Variants in DCAF5 observed in about 807,000 individuals in gnomAD.
DCAF5 encodes DDB1- and CUL4-associated factor 5.
DCAF5 carries 9 observed loss-of-function variants against 80.7 expected under a neutral mutation model. That is an observed-to-expected ratio of 0.11 (90% CI 0.07 to 0.19). The LOEUF (loss-of-function observed/expected upper bound fraction) is 0.19, where lower values mean the gene tolerates loss of function less well. Among genes scored for constraint, DCAF5 ranks in the 10% least tolerant of loss-of-function variants. The pLI, the probability that DCAF5 is intolerant of heterozygous loss-of-function variation, is 1.00. For synonymous variants in DCAF5, 433 were observed against 461.9 expected (o/e 0.94, Z 0.80); for missense variants, 842 against 1,205.7 (o/e 0.70, Z 4.47).
At chr14:69,098,621 C>T (rs931839243) in intron 5 of DCAF5, among the ~76,000 whole-genome samples, 4 of 151,712 alleles carry the variant, frequency 2.6e-5, no homozygotes, top group Middle Eastern at 3.4e-3. Flanking sequence ...CGGCGGCTCA[C>T]GCCTGTAATC....
At chr14:69,137,655 T>C (rs1483729251) in intron 1 of DCAF5, among the ~76,000 whole-genome samples, 1 of 152,192 alleles carries the variant, frequency 6.6e-6, no homozygotes, top group Non-Finnish European at 1.5e-5. Context: ...ACCCTGAGAC[T>C]AAATCAGGGG....
Position 69,152,667 on chromosome 14 carries a change from G to A in DCAF5, c.214+98C>T. ...AGAAGGGGGTAGAGAAAGGGAGGGGGTGGGGACAGAGGGCAGGAGGAGGGT... is the reference window on the plus strand; with the variant it reads ...AGAAGGGGGTAGAGAAAGGGAGGGGATGGGGACAGAGGGCAGGAGGAGGGT... On this transcript the variant is annotated intron_variant, in intron 1 of 8. Transcript: ENST00000341516. The surrounding 1 kb of genome is among the most constrained non-coding windows in gnomAD (Gnocchi z 4.1). 3.5e-6 allele frequency: 3 copies of A among 859,170 alleles called. No homozygotes were observed. Among genetic ancestry groups the A allele is most frequent in the Middle Eastern group, 3.4e-4 (1 of 2,932 alleles). 53.2% of individuals were successfully genotyped at this position (859,170 alleles called of 1,614,324 possible). A position where few individuals can be genotyped will look rare whatever the true frequency, so the allele number is the denominator to read the frequency against.
intron 1 of DCAF5, among the ~76,000 whole-genome samples, chr14:69,145,792 G>A (rs780386027): frequency 6.6e-6 from 1 of 152,078 alleles, no homozygotes. Flanking sequence ...TTCCACCCTT[G>A]AGTATCTAAA....
In DCAF5 at chr14:69,152,808, A is replaced by G. The variant is rs759998729; in HGVS notation, c.171T>C (p.Asn57=). ...KDLLGHFGCV[N]AIEFSNNGGQ... ...CTCCATTGTTGGAGAATTCAATGGCATTGACACAGCCGAAGTGGCCGAGGA... is the reference window on the plus strand; with the variant it reads ...CTCCATTGTTGGAGAATTCAATGGCGTTGACACAGCCGAAGTGGCCGAGGA... Residue 57 remains asparagine (N), a synonymous_variant, in exon 1 of 9, where the codon AAT becomes AAC. Transcript: ENST00000341516. This position sits in a 1 kb window ranked among gnomAD's most constrained non-coding sequence, Gnocchi z 4.1. 1.4e-5 allele frequency: 23 copies of G among 1,614,084 alleles called. No individual in the cohort carries two copies. The highest frequency in any genetic ancestry group is 2.2e-5 in the South Asian group (2 of 91,084).
At chr14:69,132,885 T>A (rs2041083005) in intron 1 of DCAF5, among the ~76,000 whole-genome samples, 1 of 152,228 alleles carries the variant, frequency 6.6e-6, no homozygotes, top group Admixed American at 6.5e-5. Flanking sequence ...GTTACTTAAC[T>A]TCTCTAAATT....
chr14:69,121,455 C>A (rs559380097), intron 2 of DCAF5, among the ~76,000 whole-genome samples: 1 of 152,132 alleles, frequency 6.6e-6, no homozygotes, highest in African/African-American at 2.4e-5. Flanking sequence ...TGTGAAACTG[C>A]TACTTTTTAA....
chr14:69,091,070 T>C (rs2039515726), intron 6 of DCAF5: 1 of 751,908 alleles, frequency 1.3e-6, no homozygotes, highest in Non-Finnish European at 2.4e-6. Flanking sequence ...CTGCCAGCTT[T>C]AAGTCAACAT....
rs758130008 is a variant in DCAF5, at chr14:69,054,783, G to A, written c.1903C>T (p.Arg635Trp). 29 of 1,614,098 alleles carry A rather than the reference G, an allele frequency of 1.8e-5. No individual in the cohort carries two copies. Among genetic ancestry groups the A allele is most frequent in the East Asian group, 1.6e-4 (7 of 44,902 alleles). ...LSSSPTSSPERSTSTLEIQPS... is the reference protein window; with the variant it reads ...LSSSPTSSPEWSTSTLEIQPS... ...TGAATCTCTAGCGTGGAAGTGCTCC[G>A]CTCAGGGGACGAGGTTGGGGAGGAG... is the stretch of plus-strand genomic sequence containing the variant. The change falls in exon 9 of 9, where the codon CGG becomes TGG. Residue 635 changes from arginine (R) to tryptophan (W), a missense_variant. Transcript: ENST00000341516.
At chr14:69,101,781 T>C (rs1566755162) in intron 5 of DCAF5, among the ~76,000 whole-genome samples, 1 of 152,188 alleles carries the variant, frequency 6.6e-6, no homozygotes, top group African/African-American at 2.4e-5. Flanking sequence ...TTACTATATG[T>C]TATTATATGG....
In DCAF5 at chr14:69,118,218, T is replaced by C; in HGVS notation, c.456A>G (p.Pro152=). 6.2e-7 allele frequency: 1 copy of C among 1,613,956 alleles called. No individual in the cohort carries two copies. Among genetic ancestry groups the C allele is most frequent in the Non-Finnish European group, 8.5e-7 (1 of 1,179,896 alleles). Residue 152 remains proline, a synonymous_variant, in exon 4 of 9, where the codon CCA becomes CCG. Transcript: ENST00000341516. The surrounding 1 kb of genome is among the most constrained non-coding windows in gnomAD (Gnocchi z 4.0). The part of the protein sequence containing the change: ...EDAVYGLSVS[P]VNDNIFASSS... ...AACTGGCAAAAATGTTGTCATTCAC[T>C]GGGCTCACAGACAAGCCATATACTG...
chr14:69,143,172 T>C (rs2041426360), intron 1 of DCAF5, among the ~76,000 whole-genome samples: 1 of 152,144 alleles, frequency 6.6e-6, no homozygotes, highest in African/African-American at 2.4e-5. Flanking sequence ...CCCGTCATCC[T>C]CCACTTACAT....
At position 69,126,417 on chromosome 14, in the gene DCAF5, A is replaced by C. The variant is rs558212971; in HGVS notation, c.215-4057T>G. On this transcript the variant is annotated intron_variant, in intron 1 of 8. Transcript: ENST00000341516. ...GTTGATCTGCCCACCTAGGCCTCCC[A>C]AAGTGCTGGCATTACAAGCTTGAGC... 4.4e-3 allele frequency among the ~76,000 whole-genome samples: 672 copies of C among 152,286 alleles called. 1 individual carries two copies. Among genetic ancestry groups the C allele is most frequent in the Non-Finnish European group, 7.9e-3 (539 of 68,016 alleles).
At chr14:69,113,236 G>C (rs1254085796) in intron 5 of DCAF5, among the ~76,000 whole-genome samples, 1 of 152,134 alleles carries the variant, frequency 6.6e-6, no homozygotes, top group African/African-American at 2.4e-5. Flanking sequence ...ACTGCTCCAA[G>C]GAGATTATCT....
chr14:69,082,570 C>A (rs767161221), intron 6 of DCAF5, among the ~76,000 whole-genome samples: 4 of 152,126 alleles, frequency 2.6e-5, no homozygotes, highest in African/African-American at 7.2e-5. Context: ...AAGTGGCCAG[C>A]GTTACTTAAA....
intron 1 of DCAF5, among the ~76,000 whole-genome samples, chr14:69,144,521 G>A (rs1261154508): frequency 2.6e-5 from 4 of 151,616 alleles, no homozygotes; most frequent in Admixed American, 1.3e-4. Flanking sequence ...GCAGTGAGCC[G>A]AGATCGCACC....
chr14:69,076,560 AT>A (rs2038907425), intron 6 of DCAF5, among the ~76,000 whole-genome samples: 1 of 152,232 alleles, frequency 6.6e-6, no homozygotes, highest in South Asian at 2.1e-4. Flanking sequence ...GTATGACTCC[AT>A]TTATATGAGG....
intron 5 of DCAF5, among the ~76,000 whole-genome samples, chr14:69,093,923 CCA>C (rs1326881574): frequency 1.3e-5 from 2 of 152,170 alleles, no homozygotes; most frequent in African/African-American, 4.8e-5. Context: ...TAAACACAGG[CCA>C]CACTCTCTTG....
Position 69,118,045 on chromosome 14 carries a change from G to T in DCAF5, c.535+94C>A. On this transcript the variant is annotated intron_variant, in intron 4 of 8. Coordinates refer to ENST00000341516, the MANE Select transcript of DCAF5 (RefSeq NM_003861.3). The surrounding 1 kb of genome is among the most constrained non-coding windows in gnomAD (Gnocchi z 4.0). ...CATTTCCTTTCCCTTGACATCACTT[G>T]CACATAGATACTGAGGTAATAAATT... is the stretch of plus-strand genomic sequence containing the variant. 6.6e-7 allele frequency: 1 copy of T among 1,513,862 alleles called. No individual in the cohort carries two copies. The highest frequency in any genetic ancestry group is 9.1e-7 in the Non-Finnish European group (1 of 1,102,624). The allele number at this position is 1,513,862 out of a possible 1,614,324, so 93.8% of individuals were successfully genotyped here. A position where few individuals can be genotyped will look rare whatever the true frequency, so the allele number is the denominator to read the frequency against.
At chr14:69,114,298 T>C (rs2040470958) in intron 5 of DCAF5, among the ~76,000 whole-genome samples, 1 of 152,184 alleles carries the variant, frequency 6.6e-6, no homozygotes, top group South Asian at 2.1e-4. Flanking sequence ...TGTAACATTG[T>C]TTATAATGAC....
Sources: allele counts gnomAD v4.1 joint callset (sites outside exome capture counted in the v4.1 genomes callset), GRCh38; gene constraint gnomAD v4.1.1; non-coding constraint Gnocchi (gnomAD v3.1); transcripts MANE v1.5; gene names NCBI Gene and HGNC (gene_info 2026-07-23, HGNC 2026-07-21).